The following DST variants were observed in gnomAD, a reference collection of about 807,000 sequenced individuals.
DST encodes dystonin, also known as bullous pemphigoid antigen.
A neutral mutation model predicts 875.2 loss-of-function variants in DST; 253 were observed. The ratio of observed to expected loss-of-function variants is 0.29; its 90% CI spans 0.26 to 0.32. The LOEUF (loss-of-function observed/expected upper bound fraction) is 0.32, where lower values mean the gene tolerates loss of function less well. Among genes scored for constraint, DST ranks in the 10% least tolerant of loss-of-function variants. DST has a pLI of 1.00. For synonymous variants in DST, 3,124 were observed against 3,197.1 expected, an observed-to-expected ratio of 0.98 and a Z score of 0.77; for missense variants, 8,287 against 9,111.6, an observed-to-expected ratio of 0.91 and a Z score of 3.68.
At chr6:56,473,323 A>G (rs1179064968) in intron 93 of DST, among the ~76,000 whole-genome samples, 3 of 152,254 alleles carry the variant, frequency 2.0e-5, no homozygotes, top group African/African-American at 7.2e-5. Context: ...TCAGAAACGC[A>G]TAAAACATAT....
In DST at chr6:56,608,187, C is replaced by T. The variant is rs373551874; in HGVS notation, c.6441G>A (p.Met2147Ile). Residue 2147 changes from methionine to isoleucine, a missense_variant, in exon 40 of 104, where the codon ATG becomes ATA. By Grantham distance (10) the Met-to-Ile change is conservative (BLOSUM62 1). Around this residue, in one of 10 missense-constraint regions of DST, gnomAD observed 3,138 missense variants for 3,116.6 expected, o/e 1.01. Coordinates refer to ENST00000680361, the MANE Select transcript of DST (RefSeq NM_001374736.1). Reference sequence around the variant, plus strand: ...AAGCTTCTAAATCTCCTAAATCTGGCATTTTATCAGGCAGTGTTATATTTT... The same window carrying T: ...AAGCTTCTAAATCTCCTAAATCTGGTATTTTATCAGGCAGTGTTATATTTT... ...ILKNITLPDK[M>I]PDLGDLEACK... 4.3e-6 allele frequency: 7 copies of T among 1,613,654 alleles called. No individual in the cohort carries two copies. Among genetic ancestry groups the T allele is most frequent in the Admixed American group, 3.3e-5 (2 of 59,962 alleles).
At chr6:56,760,378 AT>A (rs1168891839) in intron 4 of DST, among the ~76,000 whole-genome samples, 1 of 152,146 alleles carries the variant, frequency 6.6e-6, no homozygotes, top group Non-Finnish European at 1.5e-5. Flanking sequence ...ATACTACTTT[AT>A]TTTTTGTATG....
intron 9 of DST, among the ~76,000 whole-genome samples, chr6:56,687,017 G>A (rs2099191677): frequency 6.6e-6 from 1 of 152,136 alleles, no homozygotes; most frequent in Non-Finnish European, 1.5e-5. Context: ...ACTCTGCCAA[G>A]CTAAGTGACT....
intron 4 of DST, among the ~76,000 whole-genome samples, chr6:56,778,431 G>A (rs1590106653): frequency 6.8e-6 from 1 of 146,548 alleles, no homozygotes. Flanking sequence ...TGTGCACAAC[G>A]TGCAGGTTAG....
intron 5 of DST, among the ~76,000 whole-genome samples, chr6:56,710,040 C>T (rs2099356955): frequency 6.6e-6 from 1 of 152,160 alleles, no homozygotes; most frequent in African/African-American, 2.4e-5. Flanking sequence ...ACTTTTCCTA[C>T]ACAAAGAAAA....
intron 6 of DST, 92 bp from the exon 7 acceptor site, chr6:56,703,838 G>T: frequency 1.2e-5 from 3 of 246,682 alleles, no homozygotes; most frequent in Non-Finnish European, 1.8e-5. Flanking sequence ...TAATGAAGGA[G>T]AACAGGTAAC....
intron 22 of DST, 82 bp downstream of exon 22, chr6:56,639,177 T>C (rs765500051): frequency 8.1e-7 from 1 of 1,228,550 alleles, no homozygotes; most frequent in Admixed American, 1.9e-5. Context: ...CTTGTAATTT[T>C]CAACTTCTCA....
In DST at chr6:56,951,036, G is replaced by A. The variant is rs190374978; in HGVS notation, c.216+2749C>T. ...GCAGAACTTTCCCAAAGCAAACTGA[G>A]TCCTGGTGCGATGATTTTTTCTCTA... On this transcript the variant is annotated intron_variant, in intron 2 of 103. Coordinates refer to ENST00000680361, the MANE Select transcript of DST (RefSeq NM_001374736.1). Among the ~76,000 whole-genome samples the A allele has an allele frequency of 4.6e-5, 7 of 152,314 alleles. No homozygotes were observed. In the East Asian group the frequency reaches 1.3e-3, roughly 29 times the overall value.
chr6:56,590,380 A>G (rs988359789), intron 49 of DST, among the ~76,000 whole-genome samples: 10 of 152,308 alleles, frequency 6.6e-5, no homozygotes, highest in Admixed American at 5.2e-4. Context: ...GATCTAACTT[A>G]AAATGTGTTA....
At position 56,699,674 on chromosome 6, in the gene DST, C is replaced by G; in HGVS notation, c.1026G>C (p.Trp342Cys). The G allele has an allele frequency of 6.5e-7, 1 of 1,527,148 alleles. No individual in the cohort carries two copies. Among genetic ancestry groups the G allele is most frequent in the Non-Finnish European group, 8.8e-7 (1 of 1,139,434 alleles). 94.6% of individuals were successfully genotyped at this position (1,527,148 alleles called of 1,614,324 possible). A position where few individuals can be genotyped will look rare whatever the true frequency, so the allele number is the denominator to read the frequency against. Residue 342 changes from tryptophan (W) to cysteine (C), a missense_variant, in exon 9 of 104, where the codon TGG becomes TGC. This residue lies in a region of DST where 1,160 missense variants were observed against 1,424.3 expected (regional missense o/e 0.81). Transcript: ENST00000680361. ...TTACCTGAAAGTGCAAAATTATTGT[C>G]CAGATTAATCCCAAAGTCAATTTGG... ...GNPKLTLGLIWTIILHFQISD... is the reference protein window; with the variant it reads ...GNPKLTLGLICTIILHFQISD...
At chr6:56,801,025 GAA>G (rs34514599) in intron 4 of DST, among the ~76,000 whole-genome samples, 10 of 66,966 alleles carry the variant, frequency 1.5e-4, no homozygotes, top group Middle Eastern at 8.2e-3. Context: ...GTCTCAGGGA[GAA>G]AAAAAAAAAA....
rs77226176 is a variant in DST, at chr6:56,790,140, C to G, written c.626-54851G>C. ...CTGGACATGTTTTCCTTTGCTGACACTGGGGACTTTCCCATTATTTCTCCA... is the reference window on the plus strand; with the variant it reads ...CTGGACATGTTTTCCTTTGCTGACAGTGGGGACTTTCCCATTATTTCTCCA... On this transcript the variant is annotated intron_variant, in intron 4 of 103. Transcript: ENST00000680361. 1.9e-3 allele frequency among the ~76,000 whole-genome samples: 295 copies of G among 152,228 alleles called. 1 individual carries two copies. Among genetic ancestry groups the G allele is most frequent in the African/African-American group, 6.7e-3 (280 of 41,524 alleles).
At chr6:56,828,360 C>T (rs1245690434) in intron 4 of DST, among the ~76,000 whole-genome samples, 1 of 152,224 alleles carries the variant, frequency 6.6e-6, no homozygotes, top group Non-Finnish European at 1.5e-5. Flanking sequence ...ACACTGATAG[C>T]CTGCTGCATG....
chr6:56,467,409 A>C (rs1420495789), intron 98 of DST: 1 of 152,186 alleles, frequency 6.6e-6, no homozygotes, highest in African/African-American at 2.4e-5. Context: ...GCAGGAACTC[A>C]TGTGTTTTTC....
intron 66 of DST, 41 bp downstream of exon 66, chr6:56,529,407 T>A: frequency 7.3e-7 from 1 of 1,361,740 alleles, no homozygotes; most frequent in Non-Finnish European, 9.6e-7. Context: ...TAATGACAAT[T>A]GAAATGAAAA....
intron 4 of DST, among the ~76,000 whole-genome samples, chr6:56,848,099 T>A (rs1384163111): frequency 6.6e-6 from 1 of 152,254 alleles, no homozygotes; most frequent in Non-Finnish European, 1.5e-5. Flanking sequence ...GATATCCTAC[T>A]CTGCTATGGA....
At chr6:56,558,428 C>G (rs2097466855) in intron 58 of DST, among the ~76,000 whole-genome samples, 2 of 152,044 alleles carry the variant, frequency 1.3e-5, no homozygotes, top group African/African-American at 2.4e-5. Flanking sequence ...CTGGGCTCTA[C>G]CCTGAGTTTT....
intron 5 of DST, among the ~76,000 whole-genome samples, chr6:56,712,982 A>G (rs1174289585): frequency 1.3e-5 from 2 of 152,218 alleles, no homozygotes; most frequent in African/African-American, 4.8e-5. Flanking sequence ...CTTTGAAACA[A>G]CAACAAAAAA....
rs889705270 is a variant in DST, at chr6:56,547,701, A to G, written c.16608+4483T>C. ...TGACATCAGAGGTTGTTTCTGGATC[A>G]TTTGATAAACACCATAATAAGAATT... On this transcript the variant is annotated intron_variant, in intron 61 of 103. Coordinates refer to ENST00000680361, the MANE Select transcript of DST (RefSeq NM_001374736.1). Among the ~76,000 whole-genome samples, 4 of 152,322 alleles carry G rather than the reference A, an allele frequency of 2.6e-5. No individual in the cohort carries two copies. In the East Asian group the frequency reaches 7.7e-4, roughly 29 times the overall value.
Sources: gnomAD v4.1 joint callset for allele counts (sites outside exome capture counted in the v4.1 genomes callset) on GRCh38, gnomAD v4.1.1 for gene constraint, gnomAD v4.1.1 regional missense constraint, MANE v1.5 for transcripts, NCBI Gene and HGNC (gene_info 2026-07-23, HGNC 2026-07-21) for gene names.